Variants in OTUD7B observed in about 807,000 individuals in gnomAD.
OTUD7B encodes the protein OTU domain-containing protein 7B.
OTUD7B carries 34 observed loss-of-function variants against 82.2 expected under a neutral mutation model. That is an observed-to-expected ratio of 0.41 (90% CI 0.31 to 0.55). The LOEUF (loss-of-function observed/expected upper bound fraction) is 0.55, where lower values mean the gene tolerates loss of function less well. Ranked by LOEUF, OTUD7B falls within the 20% of genes least tolerant of loss-of-function variation. The probability of loss-of-function intolerance (pLI) is 0.20; values close to 1 mark genes in which losing one functional copy is unlikely to be tolerated. For missense variants in OTUD7B, 944 were observed against 1,062.1 expected (o/e 0.89, Z 1.55); for synonymous variants, 398 against 402.7 (o/e 0.99, Z 0.14).
chr1:150,018,571 G>A, the OTUD7B span, among the ~76,000 whole-genome samples: 19 of 152,240 alleles, frequency 1.2e-4, no homozygotes, highest in South Asian at 1.2e-3. Context: ...AATTAATGAC[G>A]ATTACATGAA....
the OTUD7B span, among the ~76,000 whole-genome samples, chr1:150,026,679 C>T: frequency 1.3e-5 from 2 of 152,060 alleles, no homozygotes; most frequent in African/African-American, 4.8e-5. Flanking sequence ...CTACTTAAGG[C>T]TATAGTTGAG....
the OTUD7B span, among the ~76,000 whole-genome samples, chr1:150,056,296 C>A: frequency 0.015 from 2,254 of 152,034 alleles, 52 homozygotes; most frequent in African/African-American, 0.052. Context: ...CTAGTTTGAT[C>A]TTTTTTAAGG....
the OTUD7B span, chr1:150,054,397 G>C: frequency 1.8e-6 from 1 of 540,786 alleles, no homozygotes; most frequent in Non-Finnish European, 3.6e-6. Context: ...CTGGACCTCT[G>C]GTCCTCAATC....
chr1:149,972,830 G>A (rs1553777871), intron 2 of OTUD7B, among the ~76,000 whole-genome samples: 1 of 152,136 alleles, frequency 6.6e-6, no homozygotes, highest in Non-Finnish European at 1.5e-5. Context: ...CCAACTGTCT[G>A]CAAATCTCCT....
upstream of OTUD7B, among the ~76,000 whole-genome samples, chr1:150,014,829 A>T (rs1332656266): frequency 1.3e-5 from 2 of 152,154 alleles, no homozygotes; most frequent in Admixed American, 1.3e-4. Context: ...TTCTGAGGTG[A>T]TGAGAATGTT....
the OTUD7B span, chr1:150,054,041 T>C: frequency 2.8e-6 from 1 of 352,574 alleles, no homozygotes. Flanking sequence ...ATATTCTCCA[T>C]CTGCTATGTA....
chr1:149,948,167 T>C (rs112717152), intron 10 of OTUD7B, among the ~76,000 whole-genome samples: 150,907 of 151,802 alleles, frequency 0.99, 75,011 homozygotes, highest in East Asian at 1. Context: ...TTAGTAGAGA[T>C]GTGGTTTCTC....
chr1:150,027,972 C>T, the OTUD7B span, among the ~76,000 whole-genome samples: 1 of 152,118 alleles, frequency 6.6e-6, no homozygotes. Flanking sequence ...TCTGAAGTAT[C>T]CAAAATAACA....
intron 1 of OTUD7B, among the ~76,000 whole-genome samples, chr1:149,996,381 AAC>A (rs1475630910): frequency 4.8e-3 from 1 of 208 alleles, no homozygotes; most frequent in Non-Finnish European, 0.013. Flanking sequence ...TAACAACAAC[AAC>A]AAAAAAAACT....
Position 149,943,814 on chromosome 1 carries a change from C to G in OTUD7B, c.*43G>C, listed in dbSNP as rs782579072. ...GTTCTTGATGAGCCAATTAGTTGAG[C>G]TTAACTTTGTTTAGCCTCCTTGCCC... On this transcript the variant is annotated 3_prime_UTR_variant, in exon 12 of 12. Transcript: ENST00000581312. 2.5e-6 allele frequency: 4 copies of G among 1,587,038 alleles called. No homozygotes were observed. In the South Asian group the frequency reaches 4.5e-5, roughly 18 times the overall value.
intron 1 of OTUD7B, among the ~76,000 whole-genome samples, chr1:150,004,346 G>T (rs1652511683): frequency 6.6e-6 from 1 of 152,086 alleles, no homozygotes; most frequent in Admixed American, 6.6e-5. Context: ...GATCACTTGA[G>T]GTCAGGAGTT....
the OTUD7B span, among the ~76,000 whole-genome samples, chr1:150,026,713 A>G: frequency 6.6e-6 from 1 of 152,214 alleles, no homozygotes; most frequent in Non-Finnish European, 1.5e-5. Flanking sequence ...AACTTAAAAG[A>G]ATAAAGCCAG....
chr1:149,974,852 T>G (rs1242674190), intron 2 of OTUD7B, among the ~76,000 whole-genome samples: 1 of 36,574 alleles, frequency 2.7e-5, no homozygotes, highest in Non-Finnish European at 4.7e-5. Flanking sequence ...ACCCAGCCTC[T>G]TTCTTTTTCT....
At chr1:150,004,513 T>C (rs1285249711) in intron 1 of OTUD7B, among the ~76,000 whole-genome samples, 1 of 151,934 alleles carries the variant, frequency 6.6e-6, no homozygotes, top group Non-Finnish European at 1.5e-5. Flanking sequence ...TCAGCCAAGA[T>C]TGTGTCACTG....
chr1:150,005,110 G>GT (rs1282914019), intron 1 of OTUD7B, among the ~76,000 whole-genome samples: 1 of 152,054 alleles, frequency 6.6e-6, no homozygotes, highest in Non-Finnish European at 1.5e-5. Context: ...AATACCTACG[G>GT]TATGAGGTCT....
intron 3 of OTUD7B, among the ~76,000 whole-genome samples, chr1:149,970,330 T>G: frequency 1.2e-3 from 1 of 850 alleles, no homozygotes; most frequent in East Asian, 0.17. Context: ...ATTTATTTTT[T>G]TTTTTGTAGA....
chr1:150,054,736 A>C, the OTUD7B span: 11 of 235,654 alleles, frequency 4.7e-5, no homozygotes, highest in East Asian at 1.5e-3. Context: ...TGAACTCAGG[A>C]GGCAGAGGTT....
the OTUD7B span, among the ~76,000 whole-genome samples, chr1:150,061,555 C>T: frequency 6.6e-6 from 1 of 151,996 alleles, no homozygotes; most frequent in Non-Finnish European, 1.5e-5. Context: ...TCTAGGGCAA[C>T]GATTTCCAAT....
chr1:149,949,610 A>G lies in OTUD7B; in HGVS notation c.1123+19T>C. The G allele has an allele frequency of 6.2e-7, 1 of 1,610,384 alleles. No individual in the cohort carries two copies. ...TTCAAGTGAAAATAATGCAGACCAA[A>G]AGACATGTCATTCAGCACCTTGTTC... On this transcript the variant is annotated intron_variant, in intron 9 of 11. Coordinates refer to ENST00000581312, the MANE Select transcript of OTUD7B (RefSeq NM_020205.4).
Sources: allele counts gnomAD v4.1 joint callset (sites outside exome capture counted in the v4.1 genomes callset), GRCh38; gene constraint gnomAD v4.1.1; transcripts MANE v1.5; gene names NCBI Gene and HGNC (gene_info 2026-07-23, HGNC 2026-07-21).